Variants in DHX9 observed in about 807,000 individuals in gnomAD.
The protein encoded by DHX9 is ATP-dependent RNA helicase A.
A neutral mutation model predicts 148.7 loss-of-function variants in DHX9; 27 were observed. The ratio of observed to expected loss-of-function variants is 0.18; its 90% CI spans 0.13 to 0.25. The LOEUF (loss-of-function observed/expected upper bound fraction) is 0.25, where lower values mean the gene tolerates loss of function less well. Among genes scored for constraint, DHX9 ranks in the 10% least tolerant of loss-of-function variants. The pLI, the probability that DHX9 is intolerant of heterozygous loss-of-function variation, is 1.00. For missense variants in DHX9, 796 were observed against 1,559.6 expected, an observed-to-expected ratio of 0.51 and a Z score of 8.25; for synonymous variants, 529 against 516.6, an observed-to-expected ratio of 1.02 and a Z score of -0.33.
Position 182,840,299 on chromosome 1 carries a change from CTTTTTTT to C in DHX9, c.-23+858_-23+864del, listed in dbSNP as rs572795237. Among the ~76,000 whole-genome samples the C allele has an allele frequency of 1.7e-4, 18 of 105,522 alleles. No individual in the cohort carries two copies. In the East Asian group the frequency reaches 2.0e-3, roughly 12 times the overall value. The allele number at this position is 105,522 out of a possible 152,430, so 69.2% of individuals were successfully genotyped here. On this transcript the variant is annotated intron_variant, in intron 1 of 27. Coordinates refer to ENST00000367549, the MANE Select transcript of DHX9 (RefSeq NM_001357.5). ...GCTACGTTTTCTGGAATTCTTGCGC[CTTTTTTT>C]TTTTTTTTTTTTTTGCAAGAGTCTC... is the stretch of plus-strand genomic sequence containing the variant.
intron 4 of DHX9, among the ~76,000 whole-genome samples, chr1:182,852,801 CATTA>C (rs1459341548): frequency 6.6e-6 from 1 of 152,144 alleles, no homozygotes; most frequent in African/African-American, 2.4e-5. Context: ...CTAGCAGCGA[CATTA>C]ATTGAGGATT....
chr1:182,860,598 A>G (rs568165228), intron 12 of DHX9, among the ~76,000 whole-genome samples: 1 of 152,318 alleles, frequency 6.6e-6, no homozygotes, highest in East Asian at 1.9e-4. Context: ...AACTCAATCG[A>G]AGTTCATAAT....
rs769701496 is a variant in DHX9, at chr1:182,843,464, G to A, written c.252+30G>A. Reference sequence around the variant, plus strand: ...GTACCTATGGCGAAGCACTTGAGATGTATGTTGTAAAGTTGTACAAACTCA... The same window carrying A: ...GTACCTATGGCGAAGCACTTGAGATATATGTTGTAAAGTTGTACAAACTCA... On this transcript the variant is annotated intron_variant, in intron 3 of 27. Transcript: ENST00000367549. 27 of 1,533,996 alleles carry A rather than the reference G, an allele frequency of 1.8e-5. No individual in the cohort carries two copies. The East Asian group carries it at 6.5e-4, about 37-fold the overall frequency.
At chr1:182,863,988 C>A (rs894446973) in intron 12 of DHX9, among the ~76,000 whole-genome samples, 1 of 152,166 alleles carries the variant, frequency 6.6e-6, no homozygotes, top group Non-Finnish European at 1.5e-5. Context: ...GCCTGGGCAA[C>A]ATGGCGAAAC....
rs764481519 is a variant in DHX9 at position 182,859,961 on chromosome 1, C to T, written c.1141-32C>T. 4 of 1,582,986 alleles carry T rather than the reference C, an allele frequency of 2.5e-6. No individual in the cohort carries two copies. In the South Asian group the frequency reaches 3.5e-5, roughly 14 times the overall value. ...CAGTTGCTTCTAATGTGTTGGTAGA[C>T]ATTTGACTGAAGTGTGACTTTTCTA... On this transcript the variant is annotated intron_variant, in intron 11 of 27. Transcript: ENST00000367549.
intron 1 of DHX9, among the ~76,000 whole-genome samples, chr1:182,840,742 T>C (rs969841761): frequency 1.5e-5 from 2 of 135,106 alleles, no homozygotes; most frequent in Admixed American, 7.4e-5. Context: ...AGATGATCTA[T>C]TATGGATATT....
chr1:182,842,532 T>A lies in DHX9; in HGVS notation c.-22-13T>A, dbSNP rs1291762079. The A allele has an allele frequency of 6.5e-7, 1 of 1,529,354 alleles. No homozygotes were observed. The allele number at this position is 1,529,354 out of a possible 1,614,324, so 94.7% of individuals were successfully genotyped here. A position where few individuals can be genotyped will look rare whatever the true frequency, so the allele number is the denominator to read the frequency against. On this transcript the variant is annotated splice_polypyrimidine_tract_variant and intron_variant, in intron 1 of 27. Transcript: ENST00000367549. ...TTATAAATGCTGTTTTTAACTGACT[T>A]TTGTTTTCTTAGATCTGAAGAAGAC...
At chr1:182,843,193 G>A in intron 2 of DHX9, 101 bp from the exon 3 acceptor site, 1 of 791,686 alleles carries the variant, frequency 1.3e-6, no homozygotes, top group Non-Finnish European at 1.8e-6. Context: ...ATTTCCTAAA[G>A]TTAGCTGTTT....
Position 182,858,105 on chromosome 1 carries a change from G to A in DHX9, c.675G>A (p.Arg225=). 6.2e-7 allele frequency: 1 copy of A among 1,610,736 alleles called. No individual in the cohort carries two copies. The highest frequency in any genetic ancestry group is 8.5e-7 in the Non-Finnish European group (1 of 1,179,238). The stretch of plus-strand genomic sequence containing the variant: ...GATAATCCTGACCTTACATTATAGG[G>A]ATTTTTGCACGAGAACATGGATCAA... ...MTIYIKQLGR[R]IFAREHGSNK... is the part of the protein sequence containing the mutation. Residue 225 remains arginine, a splice_region_variant and synonymous_variant, in exon 8 of 28, where the codon AGG becomes AGA. Coordinates refer to ENST00000367549, the MANE Select transcript of DHX9 (RefSeq NM_001357.5).
rs1648762043 is a variant in DHX9, at chr1:182,876,408, CCT to C, written c.2030-38_2030-37del. ...AATGGAGAGCTGTTTGAAACCAGCT[CCT>C]GTTTTTAGTCCCTGATTGTTCTTTA... On this transcript the variant is annotated intron_variant, in intron 17 of 27. Coordinates refer to ENST00000367549, the MANE Select transcript of DHX9 (RefSeq NM_001357.5). 2.5e-6 allele frequency: 4 copies of C among 1,588,614 alleles called. No homozygotes were observed. In the African/African-American group the frequency reaches 5.4e-5, roughly 21 times the overall value.
intron 6 of DHX9, chr1:182,855,733 A>G: frequency 1.0e-6 from 1 of 985,458 alleles, no homozygotes; most frequent in Non-Finnish European, 1.2e-6. Flanking sequence ...CACGAGGTAT[A>G]GGAAGGAGTC....
intron 21 of DHX9, among the ~76,000 whole-genome samples, chr1:182,879,762 A>G (rs1025196882): frequency 1.3e-5 from 2 of 152,078 alleles, no homozygotes; most frequent in Non-Finnish European, 2.9e-5. Context: ...ATCTCGCTCC[A>G]TTGCCCAGGC....
intron 2 of DHX9, 96 bp from the exon 3 acceptor site, chr1:182,843,198 C>A: frequency 1.2e-6 from 1 of 821,502 alleles, no homozygotes; most frequent in Non-Finnish European, 1.7e-6. Context: ...CTAAAGTTAG[C>A]TGTTTGTTGT....
Position 182,883,369 on chromosome 1 carries a change from G to C in DHX9, c.3144+1G>C. ...TCCCTTCTTTGTATTTGGTGAAAAG[G>C]TAAGAAAAGACTAGAAAAGTTTACA... On this transcript the variant is annotated splice_donor_variant, in intron 25 of 27. Transcript: ENST00000367549. LOFTEE classifies it high-confidence loss of function. 6.2e-7 allele frequency: 1 copy of C among 1,611,910 alleles called. No homozygotes were observed. The highest frequency in any genetic ancestry group is 1.1e-5 in the South Asian group (1 of 90,938).
chr1:182,875,158 AT>A (rs556411690), intron 16 of DHX9: 4 of 599,994 alleles, frequency 6.7e-6, no homozygotes, highest in South Asian at 6.1e-5. Context: ...CACAAGTTAA[AT>A]TATCTCTGGC....
At chr1:182,865,920 A>AGT (rs1426015987) in intron 12 of DHX9, among the ~76,000 whole-genome samples, 4 of 148,870 alleles carry the variant, frequency 2.7e-5, no homozygotes, top group African/African-American at 1.0e-4. Flanking sequence ...TGGAAATAGC[A>AGT]ATACACACAG....
At position 182,883,167 on chromosome 1, in the gene DHX9, C is replaced by T. The variant is rs1649167034; in HGVS notation, c.2943C>T (p.Asn981=). The change falls in exon 25 of 28, where the codon AAC becomes AAT. Residue 981 remains asparagine (N), a synonymous_variant. Coordinates refer to ENST00000367549, the MANE Select transcript of DHX9 (RefSeq NM_001357.5). ...GTTTGTTGACACAAGTGTTTACTAA[C>T]ACTGGACCAGATAATAATTTGGATG... ...EDCLLTQVFT[N]TGPDNNLDVV... 6.2e-7 allele frequency: 1 copy of T among 1,614,026 alleles called. No individual in the cohort carries two copies. The highest frequency in any genetic ancestry group is 8.5e-7 in the Non-Finnish European group (1 of 1,179,898).
At chr1:182,851,609 T>G (rs952463516) in intron 3 of DHX9, among the ~76,000 whole-genome samples, 3 of 152,172 alleles carry the variant, frequency 2.0e-5, no homozygotes, top group Non-Finnish European at 4.4e-5. Flanking sequence ...AGGAAAAGGT[T>G]GTATAGATCT....
Position 182,880,552 on chromosome 1 carries a change from T to A in DHX9, c.2568T>A (p.Ala856=), listed in dbSNP as rs776863848. ...TGACTCCTTTGGGACGAATCCTGGCTAAACTCCCCATTGAGCCTCGTTTTG... is the reference window on the plus strand; with the variant it reads ...TGACTCCTTTGGGACGAATCCTGGCAAAACTCCCCATTGAGCCTCGTTTTG... The part of the protein sequence containing the change: ...DELTPLGRIL[A]KLPIEPRFGK... Residue 856 remains alanine (A), a synonymous_variant, in exon 22 of 28, where the codon GCT becomes GCA. Transcript: ENST00000367549. The A allele has an allele frequency of 6.2e-7, 1 of 1,614,084 alleles. No individual in the cohort carries two copies. Among genetic ancestry groups the A allele is most frequent in the African/African-American group, 1.3e-5 (1 of 75,060 alleles).
Sources: allele counts gnomAD v4.1 joint callset (sites outside exome capture counted in the v4.1 genomes callset), GRCh38; gene constraint gnomAD v4.1.1; transcripts MANE v1.5; gene names NCBI Gene and HGNC (gene_info 2026-07-23, HGNC 2026-07-21).